Variants in SLF1 observed in about 807,000 individuals in gnomAD.
SLF1 encodes the protein SMC5-SMC6 complex localization factor protein 1.
A neutral mutation model predicts 123.0 loss-of-function variants in SLF1; 105 were observed. The observed-to-expected ratio is 0.85, with a 90% CI of 0.73 to 1.00. SLF1 has a LOEUF of 1.00. SLF1 is among the 50% of genes least tolerant of loss of function. The pLI, the probability that SLF1 is intolerant of heterozygous loss-of-function variation, is 0.00. For synonymous variants in SLF1, 434 were observed against 406.6 expected (o/e 1.07, Z -0.81); for missense variants, 1,239 against 1,223.0 (o/e 1.01, Z -0.20).
chr5:94,649,666 T>C (rs1204046888), intron 6 of SLF1, 69 bp downstream of exon 6: 2 of 1,300,748 alleles, frequency 1.5e-6, no homozygotes, highest in Non-Finnish European at 2.0e-6. Context: ...AGGCAAAGTA[T>C]GGTGGAAAAA....
chr5:94,665,811 A>ACTACTT (rs1749687587), intron 11 of SLF1, 50 bp from the exon 12 acceptor site: 10 of 1,463,468 alleles, frequency 6.8e-6, no homozygotes, highest in Non-Finnish European at 9.3e-6. Flanking sequence ...AGAGAGTCAA[A>ACTACTT]CTACTTTTAG....
chr5:94,663,481 T>G (rs182065168), intron 10 of SLF1, among the ~76,000 whole-genome samples: 227 of 152,302 alleles, frequency 1.5e-3, no homozygotes, highest in African/African-American at 5.2e-3. Context: ...CCGTCTCTGC[T>G]AAGAATACAA....
At chr5:94,643,548 G>A (rs1746677526) in intron 5 of SLF1, 113 bp downstream of exon 5, 1 of 735,248 alleles carries the variant, frequency 1.4e-6, no homozygotes, top group African/African-American at 1.9e-5. Context: ...AACTACATTG[G>A]TAGTAATTTA....
Position 94,695,274 on chromosome 5 carries a change from T to A in SLF1, c.3139T>A (p.Leu1047Met). 1 of 1,611,288 alleles carries A rather than the reference T, an allele frequency of 6.2e-7. No homozygotes were observed. The highest frequency in any genetic ancestry group is 8.5e-7 in the Non-Finnish European group (1 of 1,178,238). The change falls in exon 21 of 21, where the codon TTG becomes ATG. Residue 1047 changes from leucine (L) to methionine (M), a missense_variant. By Grantham distance (15) the Leu-to-Met change is conservative (BLOSUM62 2). Transcript: ENST00000265140. ...ACACACTGAGGCCTTGATGATAACA[T>A]TGGAAATGATGTGTCGGTCAGTCAT... Reference protein sequence around the residue: ...GVHTEALMITLEMMCRSVMEF... With the variant: ...GVHTEALMITMEMMCRSVMEF...
Position 94,624,905 on chromosome 5 carries a change from C to T in SLF1, c.1-3906C>T, listed in dbSNP as rs1476035437. On this transcript the variant is annotated intron_variant, in intron 1 of 20. Coordinates refer to ENST00000265140, the MANE Select transcript of SLF1 (RefSeq NM_032290.4). ...ATGTGTTTAAAACTCTTGTATTCCT[C>T]GGCTGGGTGGGTGGCTCATGCCTGT... 5.3e-5 allele frequency among the ~76,000 whole-genome samples: 8 copies of T among 151,674 alleles called. No homozygotes were observed. The South Asian group carries it at 1.3e-3, about 24-fold the overall frequency.
At chr5:94,627,720 G>C (rs908355137) in intron 1 of SLF1, among the ~76,000 whole-genome samples, 25 of 149,570 alleles carry the variant, frequency 1.7e-4, no homozygotes, top group African/African-American at 5.9e-4. Context: ...AACTTCTCCA[G>C]TAACGTATAC....
intron 8 of SLF1, 135 bp downstream of exon 8, chr5:94,653,556 C>T: frequency 1.4e-6 from 1 of 736,096 alleles, no homozygotes; most frequent in Non-Finnish European, 2.0e-6. Context: ...AGTTAATATT[C>T]CAGTTAACTT....
chr5:94,627,078 A>T (rs1484482252), intron 1 of SLF1, among the ~76,000 whole-genome samples: 1 of 152,220 alleles, frequency 6.6e-6, no homozygotes, highest in Non-Finnish European at 1.5e-5. Flanking sequence ...ACATGTCTTT[A>T]AAAATAGACT....
intron 4 of SLF1, among the ~76,000 whole-genome samples, chr5:94,640,934 A>T (rs1746369551): frequency 6.6e-6 from 1 of 152,098 alleles, no homozygotes; most frequent in African/African-American, 2.4e-5. Flanking sequence ...TGTGGGTCAT[A>T]TTTCAGTGTA....
intron 14 of SLF1, among the ~76,000 whole-genome samples, chr5:94,674,927 T>C (rs1315236364): frequency 6.6e-6 from 1 of 152,216 alleles, no homozygotes; most frequent in African/African-American, 2.4e-5. Context: ...ATAAGAAAGT[T>C]GATAAAGAGT....
At chr5:94,661,026 G>A (rs182933990) in intron 9 of SLF1, among the ~76,000 whole-genome samples, 14 of 152,238 alleles carry the variant, frequency 9.2e-5, no homozygotes, top group African/African-American at 2.2e-4. Flanking sequence ...GTGGGGCTCC[G>A]GGCTTAGGCA....
intron 12 of SLF1, among the ~76,000 whole-genome samples, chr5:94,669,279 A>T (rs865897562): frequency 6.6e-6 from 1 of 152,182 alleles, no homozygotes; most frequent in African/African-American, 2.4e-5. Context: ...TAGATTGAAT[A>T]TTAAATAAAT....
intron 4 of SLF1, among the ~76,000 whole-genome samples, chr5:94,642,931 A>G (rs1284785656): frequency 1.3e-5 from 2 of 151,946 alleles, no homozygotes; most frequent in East Asian, 3.9e-4. Flanking sequence ...GGAGTACGTT[A>G]CCTTTGAGGA....
intron 15 of SLF1, among the ~76,000 whole-genome samples, chr5:94,684,834 G>A (rs1752232367): frequency 6.6e-6 from 1 of 152,044 alleles, no homozygotes; most frequent in Non-Finnish European, 1.5e-5. Flanking sequence ...TTTGCCCAAA[G>A]GTTTAAACAC....
chr5:94,651,261 A>G (rs1747689563), intron 6 of SLF1, among the ~76,000 whole-genome samples: 1 of 152,200 alleles, frequency 6.6e-6, no homozygotes, highest in South Asian at 2.1e-4. Flanking sequence ...ATGTTCGCAC[A>G]ATGACGAAAT....
chr5:94,626,237 A>G (rs1011313934), intron 1 of SLF1, among the ~76,000 whole-genome samples: 2 of 149,180 alleles, frequency 1.3e-5, no homozygotes, highest in African/African-American at 5.0e-5. Flanking sequence ...TGGGCGACAG[A>G]GTGAGACTCC....
chr5:94,627,754 AC>A (rs1744683089), intron 1 of SLF1, among the ~76,000 whole-genome samples: 1 of 151,222 alleles, frequency 6.6e-6, no homozygotes, highest in African/African-American at 2.4e-5. Context: ...GTCCACAGAG[AC>A]TTTAAAGTCT....
At chr5:94,686,877 T>G (rs1428688879) in intron 16 of SLF1, among the ~76,000 whole-genome samples, 159 bp downstream of exon 16, 1 of 152,194 alleles carries the variant, frequency 6.6e-6, no homozygotes, top group East Asian at 1.9e-4. Flanking sequence ...AAGCTCCGCC[T>G]CCCGGGTGCA....
intron 1 of SLF1, among the ~76,000 whole-genome samples, chr5:94,623,569 T>G (rs1300488420): frequency 1.3e-5 from 2 of 151,988 alleles, no homozygotes. Context: ...TCTAGAAAGA[T>G]CTATAATTTT....
Sources: allele counts gnomAD v4.1 joint callset (sites outside exome capture counted in the v4.1 genomes callset), GRCh38; gene constraint gnomAD v4.1.1; transcripts MANE v1.5; gene names NCBI Gene and HGNC (gene_info 2026-07-23, HGNC 2026-07-21).